The following GANAB variants were observed in gnomAD, a reference collection of about 807,000 sequenced individuals.
GANAB encodes glucosidase II alpha subunit, also known as neutral alpha-glucosidase AB.
Under a neutral mutation model 129.9 loss-of-function variants are expected in GANAB, and 35 were observed. The observed-to-expected ratio is 0.27, with a 90% CI of 0.21 to 0.36. The LOEUF (loss-of-function observed/expected upper bound fraction) is 0.36. GANAB is among the 10% of genes least tolerant of loss of function. GANAB has a pLI of 1.00. For missense variants in GANAB, 939 were observed against 1,221.0 expected, an observed-to-expected ratio of 0.77 and a Z score of 3.44; for synonymous variants, 482 against 451.8, an observed-to-expected ratio of 1.07 and a Z score of -0.85.
chr11:62,638,773 A>G (rs1260683045), intron 4 of GANAB, among the ~76,000 whole-genome samples: 2 of 152,334 alleles, frequency 1.3e-5, no homozygotes, highest in East Asian at 1.9e-4. Flanking sequence ...GGAAAAAGCA[A>G]TAATTGTTTG....
intron 1 of GANAB, among the ~76,000 whole-genome samples, chr11:62,643,606 G>T (rs905725098): frequency 1.3e-5 from 2 of 152,188 alleles, no homozygotes; most frequent in African/African-American, 4.8e-5. Context: ...TTGTGCCACT[G>T]CATTCCAGCC....
intron 17 of GANAB, among the ~76,000 whole-genome samples, chr11:62,628,008 C>T (rs2134464861): frequency 6.6e-6 from 1 of 152,298 alleles, no homozygotes; most frequent in Admixed American, 6.5e-5. Context: ...ACACTTTCTT[C>T]TTAATCTCAT....
At chr11:62,642,170 T>C (rs1944300760) in intron 1 of GANAB, among the ~76,000 whole-genome samples, 4 of 151,912 alleles carry the variant, frequency 2.6e-5, no homozygotes, top group South Asian at 4.2e-4. Context: ...GATCATGCCA[T>C]TGCACTCCAG....
At position 62,630,221 on chromosome 11, in the gene GANAB, G is replaced by T; in HGVS notation, c.1569C>A (p.Asn523Lys). ...TNPTMRAWWA[N>K]MFSYDNYEGS... ...CCTCATAATTGTCATAGCTGAACAT[G>T]TTAGCCCACCAGGCCCTCATCGTGG... Residue 523 changes from asparagine to lysine, a missense_variant, in exon 13 of 24, where the codon AAC (asparagine) becomes AAA (lysine). By Grantham distance (94) the Asn-to-Lys change is moderately conservative. Around this residue, in one of 5 missense-constraint regions of GANAB, gnomAD observed 220 missense variants for 295.9 expected, o/e 0.74. Coordinates refer to ENST00000356638, the MANE Select transcript of GANAB (RefSeq NM_198334.3). The T allele has an allele frequency of 1.2e-6, 2 of 1,612,922 alleles. No individual in the cohort carries two copies. The highest frequency in any genetic ancestry group is 1.7e-6 in the Non-Finnish European group (2 of 1,179,136).
chr11:62,642,724 C>T (rs1280525137), intron 1 of GANAB, among the ~76,000 whole-genome samples: 1 of 152,148 alleles, frequency 6.6e-6, no homozygotes, highest in South Asian at 2.1e-4. Flanking sequence ...TGTGTCATCG[C>T]GCCCCACTGG....
intron 1 of GANAB, among the ~76,000 whole-genome samples, chr11:62,642,757 T>C (rs1455331077): frequency 6.6e-6 from 1 of 152,092 alleles, no homozygotes; most frequent in Non-Finnish European, 1.5e-5. Context: ...TAAAGTTCCC[T>C]AAACAACTCT....
In GANAB at chr11:62,630,295, G is replaced by C. The variant is rs1341253146; in HGVS notation, c.1514-19C>G. 1 of 1,612,642 alleles carries C rather than the reference G, an allele frequency of 6.2e-7. No homozygotes were observed. ...GCTGAGCCTGGGAGAAGTTAAGGGT[G>C]GCTCTCAATCCCCTAAGGGGCAAAA... On this transcript the variant is annotated intron_variant, in intron 12 of 23. Transcript: ENST00000356638.
rs1057018738 is a variant in GANAB at position 62,629,136 on chromosome 11, G to A, written c.1936+58C>T. The A allele has an allele frequency of 3.5e-5, 54 of 1,532,098 alleles. No individual in the cohort carries two copies. The East Asian group carries it at 1.1e-3, about 32-fold the overall frequency. The allele number at this position is 1,532,098 out of a possible 1,614,324, so 94.9% of individuals were successfully genotyped here. ...TTTGCTTACAACACCTTGGTCCTGT[G>A]CCCTCTACTTTGCCCCTTTCCCACC... On this transcript the variant is annotated intron_variant, in intron 16 of 23. Coordinates refer to ENST00000356638, the MANE Select transcript of GANAB (RefSeq NM_198334.3).
At chr11:62,639,235 T>G (rs1358615755) in intron 3 of GANAB, 124 bp downstream of exon 3, 1 of 1,319,628 alleles carries the variant, frequency 7.6e-7, no homozygotes, top group East Asian at 2.3e-5. Context: ...AAGATCACAT[T>G]TCTTCATAAA....
At chr11:62,640,832 CAA>C (rs36113826) in intron 1 of GANAB, among the ~76,000 whole-genome samples, 2,137 of 74,742 alleles carry the variant, frequency 0.029, 67 homozygotes, top group African/African-American at 0.1. Flanking sequence ...AACTCCCTCT[CAA>C]AAAAAAAAAA....
rs758117095 is a variant in GANAB at position 62,630,248 on chromosome 11, A to G, written c.1542T>C (p.Asn514=). The part of the protein sequence containing the change: ...PGSAGYPDFT[N]PTMRAWWANM... ...TAGCCCACCAGGCCCTCATCGTGGG[A>G]TTAGTGAAGTCAGGGTAACCAGCTG... Residue 514 remains asparagine, a synonymous_variant, in exon 13 of 24, where the codon AAT becomes AAC. Transcript: ENST00000356638. The G allele has an allele frequency of 1.2e-6, 2 of 1,613,730 alleles. No individual in the cohort carries two copies. Among genetic ancestry groups the G allele is most frequent in the South Asian group, 2.2e-5 (2 of 90,996 alleles).
chr11:62,628,949 C>T lies in GANAB; in HGVS notation c.2000G>A (p.Gly667Asp). The change falls in exon 17 of 24, where the codon GGT (glycine) becomes GAT (aspartate). Residue 667 changes from glycine (G) to aspartate (D), a missense_variant. Gly to Asp is a moderately conservative substitution (Grantham distance 94, BLOSUM62 -1). Around this residue, in one of 5 missense-constraint regions of GANAB, gnomAD observed 147 missense variants for 282.4 expected, o/e 0.52. Coordinates refer to ENST00000356638, the MANE Select transcript of GANAB (RefSeq NM_198334.3). ...TGCCCGGAAGAATGGCTGGTAAGCA[C>T]CCATCTGGTACCAGCGCACAAGCAG... ...PELLVRWYQM[G>D]AYQPFFRAHA... 6.2e-7 allele frequency: 1 copy of T among 1,613,978 alleles called. No homozygotes were observed. Among genetic ancestry groups the T allele is most frequent in the Non-Finnish European group, 8.5e-7 (1 of 1,179,866 alleles).
rs751584036 is a variant in GANAB at position 62,629,796 on chromosome 11, CCT to C, written c.1737+16_1737+17del. The C allele has an allele frequency of 9.4e-5, 151 of 1,613,546 alleles. No individual in the cohort carries two copies. Among genetic ancestry groups the C allele is most frequent in the Middle Eastern group, 1.6e-4 (1 of 6,078 alleles). ...TGTTTTCCCTCTTTCCACCAACTCT[CCT>C]CTCTCAGGCCCTTACCACATAAAGG... On this transcript the variant is annotated intron_variant, in intron 14 of 23. Coordinates refer to ENST00000356638, the MANE Select transcript of GANAB (RefSeq NM_198334.3).
Position 62,636,060 on chromosome 11 carries a change from G to A in GANAB, c.381-1060C>T, listed in dbSNP as rs1024607835. On this transcript the variant is annotated intron_variant, in intron 4 of 23. Transcript: ENST00000356638. ...GACTGGAGTGCAGTGGCACAATCTC[G>A]GCTCATTGCAACCTCTGCCTCCCAG... Among the ~76,000 whole-genome samples, 5 of 151,934 alleles carry A rather than the reference G, an allele frequency of 3.3e-5. No individual in the cohort carries two copies. In the East Asian group the frequency reaches 7.7e-4, roughly 24 times the overall value.
intron 17 of GANAB, among the ~76,000 whole-genome samples, chr11:62,628,205 C>CCT (rs373711069): frequency 1.0e-5 from 1 of 98,424 alleles, no homozygotes; most frequent in Admixed American, 1.4e-4. Flanking sequence ...CTTCTCAAAA[C>CCT]TTTTTTTTTT....
rs200550725 is a variant in GANAB, at chr11:62,630,181, G to A, written c.1593+16C>T. 6.7e-5 allele frequency: 106 copies of A among 1,583,106 alleles called. No individual in the cohort carries two copies. In the African/African-American group the frequency reaches 1.4e-3, roughly 21 times the overall value. ...GGAACAGACAGACGCAGGTCATGGG[G>A]AGAGGCCTTCCCTACCTCATAATTG... On this transcript the variant is annotated intron_variant, in intron 13 of 23. Transcript: ENST00000356638.
At chr11:62,643,771 G>A (rs1944363119) in intron 1 of GANAB, among the ~76,000 whole-genome samples, 2 of 152,118 alleles carry the variant, frequency 1.3e-5, no homozygotes, top group South Asian at 2.1e-4. Flanking sequence ...AGCTGAGATC[G>A]CACCACTGCA....
chr11:62,629,640 C>A lies in GANAB; in HGVS notation c.1782G>T (p.Met594Ile). 1 of 1,613,422 alleles carries A rather than the reference C, an allele frequency of 6.2e-7. No individual in the cohort carries two copies. Among genetic ancestry groups the A allele is most frequent in the Non-Finnish European group, 8.5e-7 (1 of 1,179,650 alleles). Residue 594 changes from methionine to isoleucine, a missense_variant, in exon 15 of 24, where the codon ATG becomes ATT. Transcript: ENST00000356638. ...ADGLRQRSGG[M>I]ERPFVLARAF... ...CCCTGGCCAGGACAAAGGGGCGTTC[C>A]ATGCCCCCAGAGCGCTGTCTCAGCC...
Position 62,629,431 on chromosome 11 carries a change from T to C in GANAB, c.1835-136A>G, listed in dbSNP as rs1275361477. ...TTCACAAGAACATTTGAACAAGGAG[T>C]GGACCTCCCACACCCTGACTTCCTT... is the stretch of plus-strand genomic sequence containing the variant. On this transcript the variant is annotated intron_variant, in intron 15 of 23. Transcript: ENST00000356638. 7.5e-6 allele frequency: 6 copies of C among 803,530 alleles called. No homozygotes were observed. The African/African-American group carries it at 8.5e-5, about 11-fold the overall frequency. The allele number at this position is 803,530 out of a possible 1,614,324, so 49.8% of individuals were successfully genotyped here. A position where few individuals can be genotyped will look rare whatever the true frequency, so the allele number is the denominator to read the frequency against.
Sources: gnomAD v4.1 joint callset for allele counts (sites outside exome capture counted in the v4.1 genomes callset) on GRCh38, gnomAD v4.1.1 for gene constraint, gnomAD v4.1.1 regional missense constraint, MANE v1.5 for transcripts, NCBI Gene and HGNC (gene_info 2026-07-23, HGNC 2026-07-21) for gene names.